The following TIGD1 variants were observed in gnomAD, a reference collection of about 807,000 sequenced individuals.
TIGD1 encodes the protein tigger transposable element-derived protein 1.
TIGD1 carries 20 observed loss-of-function variants against 21.3 expected under a neutral mutation model. The ratio of observed to expected loss-of-function variants is 0.94; its 90% CI spans 0.66 to 1.36. The LOEUF is 1.36. Ranked by LOEUF, TIGD1 falls within the 40% of genes most tolerant of loss-of-function variation. The pLI, the probability that TIGD1 is intolerant of heterozygous loss-of-function variation, is 0.00. For synonymous variants in TIGD1, 177 were observed against 123.2 expected, an observed-to-expected ratio of 1.44 and a Z score of -2.89; for missense variants, 556 against 350.5, an observed-to-expected ratio of 1.59 and a Z score of -4.68.
At position 232,544,332 on chromosome 2, in the gene TIGD1, G is replaced by T; in HGVS notation, c.*3775C>A. 1 of 1,531,418 alleles carries T rather than the reference G, an allele frequency of 6.5e-7. No homozygotes were observed. The allele number at this position is 1,531,418 out of a possible 1,614,324, so 94.9% of individuals were successfully genotyped here. A position where few individuals can be genotyped will look rare whatever the true frequency, so the allele number is the denominator to read the frequency against. On this transcript the variant is annotated 3_prime_UTR_variant, in exon 1 of 1. Transcript: ENST00000408957. The stretch of plus-strand genomic sequence containing the variant: ...ACCTCTGGCTTCTGCTCTGAAGCTC[G>T]GCCTGCTGCCCTAGTGAAGCCACCC...
chr2:232,544,996 G>A lies in TIGD1; in HGVS notation c.*3111C>T, dbSNP rs1239303197. ...TGAGTGGGGTTGCCAAGATAGGGCA[G>A]TGGGATGGAAAAACATGAGGCCGGG... On this transcript the variant is annotated 3_prime_UTR_variant, in exon 1 of 1. Coordinates refer to ENST00000408957, the MANE Select transcript of TIGD1 (RefSeq NM_145702.4). The A allele has an allele frequency of 3.9e-6, 6 of 1,533,856 alleles. No individual in the cohort carries two copies. The highest frequency in any genetic ancestry group is 5.4e-6 in the Non-Finnish European group (6 of 1,118,110).
In TIGD1 at chr2:232,548,720, C is replaced by T. The variant is rs1455743040; in HGVS notation, c.1163G>A (p.Arg388His). ...CAATTTGACCTCCTCCCATGAATCA[C>T]GAATGTTTTTAATGGCATCTAAAAT... ...FTILDAIKNIRDSWEEVKLST... is the reference protein window; with the variant it reads ...FTILDAIKNIHDSWEEVKLST... Residue 388 changes from arginine (R) to histidine (H), a missense_variant, in exon 1 of 1, where the codon CGT (arginine) becomes CAT (histidine). By Grantham distance (29) the Arg-to-His change is conservative. Transcript: ENST00000408957. 4.0e-6 allele frequency: 2 copies of T among 494,734 alleles called. No individual in the cohort carries two copies. The highest frequency in any genetic ancestry group is 7.8e-6 in the Non-Finnish European group (2 of 257,648). 30.6% of individuals were successfully genotyped at this position (494,734 alleles called of 1,614,324 possible).
Position 232,545,477 on chromosome 2 carries a change from G to T in TIGD1, c.*2630C>A. ...ATGGGCCTGCTGGAAGCCCAAGGAT[G>T]AGAACAGGACCCAGGGAAGACCTGG... On this transcript the variant is annotated 3_prime_UTR_variant, in exon 1 of 1. Transcript: ENST00000408957. 1 of 1,432,238 alleles carries T rather than the reference G, an allele frequency of 7.0e-7. No homozygotes were observed. The highest frequency in any genetic ancestry group is 2.4e-5 in the East Asian group (1 of 41,858). The allele number at this position is 1,432,238 out of a possible 1,614,324, so 88.7% of individuals were successfully genotyped here. A position where few individuals can be genotyped will look rare whatever the true frequency, so the allele number is the denominator to read the frequency against.
rs1365409878 is a variant in TIGD1 at position 232,548,920 on chromosome 2, A to G, written c.963T>C (p.Ile321=). The G allele has an allele frequency of 7.4e-6, 5 of 671,902 alleles. No homozygotes were observed. The highest frequency in any genetic ancestry group is 1.1e-5 in the Non-Finnish European group (4 of 367,294). 41.6% of individuals were successfully genotyped at this position (671,902 alleles called of 1,614,324 possible). Residue 321 remains isoleucine (I), a synonymous_variant, in exon 1 of 1, where the codon ATT becomes ATC. Coordinates refer to ENST00000408957, the MANE Select transcript of TIGD1 (RefSeq NM_145702.4). The stretch of plus-strand genomic sequence containing the variant: ...TGGATGTTGTGTTAGCAGGCATGAA[A>G]ATAACATTAATCTCCTCGTATATCT... ...LMEIYEEINV[I]FMPANTTSIL... is the part of the protein sequence containing the mutation.
rs1057323520 is a variant in TIGD1 at position 232,549,944 on chromosome 2, A to G, written c.-62T>C. The G allele has an allele frequency of 3.2e-6, 3 of 924,800 alleles. No individual in the cohort carries two copies. In the Admixed American group the frequency reaches 8.8e-5, roughly 27 times the overall value. 57.3% of individuals were successfully genotyped at this position (924,800 alleles called of 1,614,324 possible). On this transcript the variant is annotated 5_prime_UTR_variant, in exon 1 of 1. Transcript: ENST00000408957. Reference sequence around the variant, plus strand: ...GTGTCTCAGGGAATAGGGAGGCCCAAGAAGAGGGAGAGAGATGGGGAACGG... The same window carrying G: ...GTGTCTCAGGGAATAGGGAGGCCCAGGAAGAGGGAGAGAGATGGGGAACGG...
In TIGD1 at chr2:232,544,449, G is replaced by A. The variant is rs144755776; in HGVS notation, c.*3658C>T. The stretch of plus-strand genomic sequence containing the variant: ...GCAGCTGTGCAGGACACCCAGTCCC[G>A]GCTACAGAATGGCTCCTCGGGATGG... On this transcript the variant is annotated 3_prime_UTR_variant, in exon 1 of 1. Coordinates refer to ENST00000408957, the MANE Select transcript of TIGD1 (RefSeq NM_145702.4). 221 of 1,613,704 alleles carry A rather than the reference G, an allele frequency of 1.4e-4. No homozygotes were observed. The highest frequency in any genetic ancestry group is 5.5e-4 in the African/African-American group (41 of 75,050).
In TIGD1 at chr2:232,544,609, A is replaced by G. The variant is rs371919119; in HGVS notation, c.*3498T>C. 9 of 1,591,698 alleles carry G rather than the reference A, an allele frequency of 5.7e-6. No individual in the cohort carries two copies. Among genetic ancestry groups the G allele is most frequent in the Admixed American group, 1.7e-5 (1 of 59,982 alleles). ...AGACACACCAGGTGTGCCTGGGGACAGTCCTCCCCTGGGACCCCAGCTGGG... is the reference window on the plus strand; with the variant it reads ...AGACACACCAGGTGTGCCTGGGGACGGTCCTCCCCTGGGACCCCAGCTGGG... On this transcript the variant is annotated 3_prime_UTR_variant, in exon 1 of 1. Coordinates refer to ENST00000408957, the MANE Select transcript of TIGD1 (RefSeq NM_145702.4).
At position 232,549,665 on chromosome 2, in the gene TIGD1, C is replaced by G; in HGVS notation, c.218G>C (p.Arg73Thr). 1 of 728,348 alleles carries G rather than the reference C, an allele frequency of 1.4e-6. No individual in the cohort carries two copies. The allele number at this position is 728,348 out of a possible 1,614,324, so 45.1% of individuals were successfully genotyped here. ...ATCAGCAATAAGGCTGTTTCGCTTT[C>G]TTATCATTCGTGTGTTCATTGGAGT... ...SATPMNTRMI[R>T]KRNSLIADME... The change falls in exon 1 of 1, where the codon AGA (arginine) becomes ACA (threonine). Residue 73 changes from arginine to threonine, a missense_variant. Coordinates refer to ENST00000408957, the MANE Select transcript of TIGD1 (RefSeq NM_145702.4).
rs556664419 is a variant in TIGD1 at position 232,547,264 on chromosome 2, A to G, written c.*843T>C. Among the ~76,000 whole-genome samples, 13 of 152,170 alleles carry G rather than the reference A, an allele frequency of 8.5e-5. No homozygotes were observed. The highest frequency in any genetic ancestry group is 3.9e-4 in the Admixed American group (6 of 15,288). On this transcript the variant is annotated 3_prime_UTR_variant, in exon 1 of 1. Transcript: ENST00000408957. ...ACACCCGGCCTCTACCAAAAAATACAAAACTTAGCTGGGCGTGGTGATGCA... is the reference window on the plus strand; with the variant it reads ...ACACCCGGCCTCTACCAAAAAATACGAAACTTAGCTGGGCGTGGTGATGCA...
At position 232,550,284 on chromosome 2, in the gene TIGD1, A is replaced by G. The variant is rs1342847684; in HGVS notation, c.-402T>C. The G allele has an allele frequency of 1.5e-5, 5 of 322,944 alleles. No individual in the cohort carries two copies. Among genetic ancestry groups the G allele is most frequent in the Non-Finnish European group, 3.0e-5 (5 of 167,014 alleles). 20.0% of individuals were successfully genotyped at this position (322,944 alleles called of 1,614,324 possible). A position where few individuals can be genotyped will look rare whatever the true frequency, so the allele number is the denominator to read the frequency against. On this transcript the variant is annotated 5_prime_UTR_variant, in exon 1 of 1. The change abolishes an upstream ATG in the 5' untranslated region. Coordinates refer to ENST00000408957, the MANE Select transcript of TIGD1 (RefSeq NM_145702.4). ...GAAGCGTAATAAAACGAGGTATGCC[A>G]TAGTACAGTGGCGCCGCGACCGACA...
rs1342443150 is a variant in TIGD1 at position 232,547,127 on chromosome 2, C to T, written c.*980G>A. On this transcript the variant is annotated 3_prime_UTR_variant, in exon 1 of 1. Transcript: ENST00000408957. Reference sequence around the variant, plus strand: ...GGTGCAAAAAATAATCCATTCCTGGCCAGGTGTGGTGGCTCACACCTGCAA... The same window carrying T: ...GGTGCAAAAAATAATCCATTCCTGGTCAGGTGTGGTGGCTCACACCTGCAA... Among the ~76,000 whole-genome samples, 1 of 152,196 alleles carries T rather than the reference C, an allele frequency of 6.6e-6. No individual in the cohort carries two copies. The highest frequency in any genetic ancestry group is 1.5e-5 in the Non-Finnish European group (1 of 68,032).
At position 232,546,922 on chromosome 2, in the gene TIGD1, G is replaced by T. The variant is rs1341402914; in HGVS notation, c.*1185C>A. 6.6e-6 allele frequency among the ~76,000 whole-genome samples: 1 copy of T among 151,886 alleles called. No individual in the cohort carries two copies. Among genetic ancestry groups the T allele is most frequent in the Non-Finnish European group, 1.5e-5 (1 of 67,994 alleles). On this transcript the variant is annotated 3_prime_UTR_variant, in exon 1 of 1. Transcript: ENST00000408957. ...GCCACTGAGCTCTTCATTCCAGGAG[G>T]AGACTTTGACTGGCCTCCCTTGACC...
rs1216598850 is a variant in TIGD1, at chr2:232,545,278, C to G, written c.*2829G>C. Reference sequence around the variant, plus strand: ...GCCAAGCCAAGATCGCACCACTGCACTCTGGCCTGGGTGAAAGAGTGAGAC... The same window carrying G: ...GCCAAGCCAAGATCGCACCACTGCAGTCTGGCCTGGGTGAAAGAGTGAGAC... On this transcript the variant is annotated 3_prime_UTR_variant, in exon 1 of 1. Transcript: ENST00000408957. Among the ~76,000 whole-genome samples, 1 of 150,116 alleles carries G rather than the reference C, an allele frequency of 6.7e-6. No homozygotes were observed. The highest frequency in any genetic ancestry group is 2.5e-5 in the African/African-American group (1 of 40,678).
At position 232,548,153 on chromosome 2, in the gene TIGD1, T is replaced by C. The variant is rs953772927; in HGVS notation, c.1730A>G (p.Asp577Gly). 2 of 1,234,292 alleles carry C rather than the reference T, an allele frequency of 1.6e-6. No individual in the cohort carries two copies. The highest frequency in any genetic ancestry group is 1.9e-4 in the Middle Eastern group (1 of 5,294). 76.5% of individuals were successfully genotyped at this position (1,234,292 alleles called of 1,614,324 possible). ...TSQQPSTSRQ[D>G]PPPAKRVRLT... ...TCGTACTCTTTTTGCTGGTGGAGGG[T>C]CTTGCCTCGAGGTTGATGGTTGCTG... Residue 577 changes from aspartate to glycine, a missense_variant, in exon 1 of 1, where the codon GAC (aspartate) becomes GGC (glycine). Transcript: ENST00000408957.
chr2:232,545,836 T>C lies in TIGD1; in HGVS notation c.*2271A>G. On this transcript the variant is annotated 3_prime_UTR_variant, in exon 1 of 1. Coordinates refer to ENST00000408957, the MANE Select transcript of TIGD1 (RefSeq NM_145702.4). ...CTTTGGGAAGTGCCCTTCAGGACTG[T>C]GTGAGCCAAACAGCCCTGAGAAAAG... The C allele has an allele frequency of 8.5e-7, 1 of 1,169,784 alleles. No individual in the cohort carries two copies. The highest frequency in any genetic ancestry group is 1.2e-5 in the South Asian group (1 of 80,154). 72.5% of individuals were successfully genotyped at this position (1,169,784 alleles called of 1,614,324 possible). A position where few individuals can be genotyped will look rare whatever the true frequency, so the allele number is the denominator to read the frequency against.
In TIGD1 at chr2:232,546,012, C is replaced by T. The variant is rs1252651697; in HGVS notation, c.*2095G>A. On this transcript the variant is annotated 3_prime_UTR_variant, in exon 1 of 1. Transcript: ENST00000408957. The stretch of plus-strand genomic sequence containing the variant: ...GTGCACTCCCCTCACTTAGGCAAAG[C>T]ATTATTCATTCCCATCAGTCTGAAG... 6 of 522,102 alleles carry T rather than the reference C, an allele frequency of 1.1e-5. No individual in the cohort carries two copies. The highest frequency in any genetic ancestry group is 2.1e-5 in the Non-Finnish European group (6 of 286,142). The allele number at this position is 522,102 out of a possible 1,614,324, so 32.3% of individuals were successfully genotyped here.
In TIGD1 at chr2:232,546,048, T is replaced by C. The variant is rs970582524; in HGVS notation, c.*2059A>G. 4.6e-6 allele frequency: 2 copies of C among 432,142 alleles called. No individual in the cohort carries two copies. The highest frequency in any genetic ancestry group is 4.0e-5 in the African/African-American group (2 of 49,572). The allele number at this position is 432,142 out of a possible 1,614,324, so 26.8% of individuals were successfully genotyped here. A position where few individuals can be genotyped will look rare whatever the true frequency, so the allele number is the denominator to read the frequency against. ...CCCATCAGTCTGAAGCCCGAAGGAC[T>C]GTTTTGTATAATACCTTCGGACTTG... On this transcript the variant is annotated 3_prime_UTR_variant, in exon 1 of 1. Coordinates refer to ENST00000408957, the MANE Select transcript of TIGD1 (RefSeq NM_145702.4).
In TIGD1 at chr2:232,544,377, G is replaced by C; in HGVS notation, c.*3730C>G. On this transcript the variant is annotated 3_prime_UTR_variant, in exon 1 of 1. Transcript: ENST00000408957. The stretch of plus-strand genomic sequence containing the variant: ...CCACCCCCTCTCTAGGTGTTCCTGA[G>C]GCTCTTGCCCCAGCTGCTGAGGATG... The C allele has an allele frequency of 6.2e-7, 1 of 1,613,270 alleles. No homozygotes were observed. Among genetic ancestry groups the C allele is most frequent in the South Asian group, 1.1e-5 (1 of 91,072 alleles).
At position 232,545,985 on chromosome 2, in the gene TIGD1, C is replaced by G. The variant is rs1258248685; in HGVS notation, c.*2122G>C. ...TCCTGGCACCAGCCACCCCTCCACT[C>G]AGTGCACTCCCCTCACTTAGGCAAA... On this transcript the variant is annotated 3_prime_UTR_variant, in exon 1 of 1. Transcript: ENST00000408957. The G allele has an allele frequency of 1.7e-6, 1 of 579,946 alleles. No individual in the cohort carries two copies. The highest frequency in any genetic ancestry group is 3.1e-6 in the Non-Finnish European group (1 of 320,274). The allele number at this position is 579,946 out of a possible 1,614,324, so 35.9% of individuals were successfully genotyped here.
Sources: gnomAD v4.1 joint callset for allele counts (sites outside exome capture counted in the v4.1 genomes callset) on GRCh38, gnomAD v4.1.1 for gene constraint, MANE v1.5 for transcripts, NCBI Gene and HGNC (gene_info 2026-07-23, HGNC 2026-07-21) for gene names.